SV2C: variants seen among roughly 807,000 people sequenced by gnomAD.
SV2C encodes synaptic vesicle glycoprotein 2C.
A neutral mutation model predicts 79.7 loss-of-function variants in SV2C; 49 were observed. The ratio of observed to expected loss-of-function variants is 0.61; its 90% CI spans 0.49 to 0.78. The LOEUF is 0.78. Among genes scored for constraint, SV2C ranks in the 30% least tolerant of loss-of-function variants. The pLI, the probability that SV2C is intolerant of heterozygous loss-of-function variation, is 0.00. For synonymous variants in SV2C, 334 were observed against 333.2 expected (o/e 1.00, Z -0.03); for missense variants, 833 against 912.9 (o/e 0.91, Z 1.13).
At chr5:75,928,175 C>A in the SV2C span, among the ~76,000 whole-genome samples, 1 of 152,146 alleles carries the variant, frequency 6.6e-6, no homozygotes, top group East Asian at 1.9e-4. Flanking sequence ...GATATTCAAC[C>A]ATCACCACCA....
chr5:76,351,791 T>C (rs1217016520), intron 12 of SV2C, among the ~76,000 whole-genome samples: 2 of 152,158 alleles, frequency 1.3e-5, no homozygotes, highest in Non-Finnish European at 2.9e-5. Context: ...CCAGACCGTG[T>C]CTCCTGTGGA....
chr5:75,864,127 T>C, the SV2C span, among the ~76,000 whole-genome samples: 1 of 152,234 alleles, frequency 6.6e-6, no homozygotes, highest in Non-Finnish European at 1.5e-5. Context: ...AAATAATTCA[T>C]GGTTATGATT....
At chr5:75,994,399 G>T in the SV2C span, among the ~76,000 whole-genome samples, 1 of 152,150 alleles carries the variant, frequency 6.6e-6, no homozygotes, top group East Asian at 1.9e-4. Context: ...CTTACTGAAT[G>T]TATGTCTTTG....
chr5:76,350,796 A>T (rs1749628246), intron 12 of SV2C, among the ~76,000 whole-genome samples: 1 of 152,176 alleles, frequency 6.6e-6, no homozygotes, highest in Admixed American at 6.5e-5. Context: ...AAGGTGGATC[A>T]TGTGGTCAAG....
At chr5:76,116,782 A>G (rs1748281930) in intron 1 of SV2C, among the ~76,000 whole-genome samples, 1 of 152,138 alleles carries the variant, frequency 6.6e-6, no homozygotes, top group Non-Finnish European at 1.5e-5. Context: ...TATGCTTCAT[A>G]ATGCAGGTTG....
chr5:75,883,483 A>G, the SV2C span, among the ~76,000 whole-genome samples: 2 of 143,500 alleles, frequency 1.4e-5, no homozygotes, highest in Admixed American at 6.8e-5. Flanking sequence ...TGTGGCACAT[A>G]TACACCATGG....
chr5:75,855,099 T>C, the SV2C span, among the ~76,000 whole-genome samples: 1 of 152,170 alleles, frequency 6.6e-6, no homozygotes, highest in Non-Finnish European at 1.5e-5. Context: ...TGGACTATTC[T>C]ATATCTTTTG....
At chr5:75,875,555 T>C in the SV2C span, among the ~76,000 whole-genome samples, 1 of 152,118 alleles carries the variant, frequency 6.6e-6, no homozygotes. Flanking sequence ...CAAAAGTAAT[T>C]GCAAGAAAAG....
At chr5:76,023,616 T>C in the SV2C span, among the ~76,000 whole-genome samples, 8 of 148,932 alleles carry the variant, frequency 5.4e-5, no homozygotes, top group Non-Finnish European at 1.2e-4. Flanking sequence ...AATACTTTCA[T>C]ACTTTTCCTC....
At chr5:76,204,034 C>G (rs1456568941) in intron 3 of SV2C, among the ~76,000 whole-genome samples, 2 of 152,184 alleles carry the variant, frequency 1.3e-5, no homozygotes, top group Non-Finnish European at 2.9e-5. Flanking sequence ...CTAGCCTATT[C>G]AGAAAGAGTG....
At chr5:75,872,889 G>C in the SV2C span, among the ~76,000 whole-genome samples, 32,578 of 151,384 alleles carry the variant, frequency 0.22, 5,977 homozygotes, top group African/African-American at 0.51. Context: ...TGCACACGTA[G>C]CCTAAAACTT....
the SV2C span, among the ~76,000 whole-genome samples, chr5:76,057,428 T>TC: frequency 6.6e-6 from 1 of 150,916 alleles, no homozygotes; most frequent in African/African-American, 2.4e-5. Context: ...CCTTCCTGTG[T>TC]CCATGTGTTC....
intron 2 of SV2C, among the ~76,000 whole-genome samples, chr5:76,149,646 G>T (rs773300782): frequency 6.6e-6 from 1 of 152,170 alleles, no homozygotes; most frequent in Admixed American, 6.5e-5. Context: ...GTGAAGTTTT[G>T]TGTGCCATTT....
intron 1 of SV2C, among the ~76,000 whole-genome samples, chr5:76,110,402 T>C (rs1466952726): frequency 1.3e-5 from 2 of 152,192 alleles, no homozygotes; most frequent in Non-Finnish European, 2.9e-5. Flanking sequence ...ATGAATGTCT[T>C]TGGTAAGAAT....
intron 2 of SV2C, among the ~76,000 whole-genome samples, chr5:76,189,844 A>C (rs1744040555): frequency 6.6e-6 from 1 of 152,100 alleles, no homozygotes; most frequent in African/African-American, 2.4e-5. Flanking sequence ...CTCACATTGC[A>C]ATGATTTTCT....
chr5:76,022,096 C>T, the SV2C span, among the ~76,000 whole-genome samples: 10 of 152,158 alleles, frequency 6.6e-5, no homozygotes, highest in African/African-American at 2.4e-4. Context: ...GAAATTGAAG[C>T]TTACAGCACT....
At chr5:76,059,387 G>A in the SV2C span, among the ~76,000 whole-genome samples, 26 of 152,068 alleles carry the variant, frequency 1.7e-4, no homozygotes, top group Non-Finnish European at 3.5e-4. Flanking sequence ...CTCAAACCCT[G>A]GTTTATCAAC....
intron 4 of SV2C, among the ~76,000 whole-genome samples, chr5:76,282,198 C>T (rs562791847): frequency 6.6e-6 from 1 of 152,060 alleles, no homozygotes; most frequent in Non-Finnish European, 1.5e-5. Flanking sequence ...ATATAATAAG[C>T]AAATTGATAT....
intron 1 of SV2C, among the ~76,000 whole-genome samples, chr5:76,105,092 C>T (rs987863577): frequency 9.9e-5 from 15 of 152,044 alleles, no homozygotes; most frequent in South Asian, 8.3e-4. Flanking sequence ...GAAGGTGGGC[C>T]GTAAATCCAA....
Sources: gnomAD v4.1 joint callset for allele counts (sites outside exome capture counted in the v4.1 genomes callset) on GRCh38, gnomAD v4.1.1 for gene constraint, MANE v1.5 for transcripts, NCBI Gene and HGNC (gene_info 2026-07-23, HGNC 2026-07-21) for gene names.